Variants in ATP7B observed in about 807,000 individuals in gnomAD.
ATP7B encodes the protein copper-transporting ATPase 2.
In ATP7B, 113 loss-of-function variants were observed where a neutral mutation model predicts 118.9. The observed-to-expected ratio is 0.95, with a 90% confidence interval of 0.82 to 1.11. The LOEUF is 1.11. Among genes scored for constraint, ATP7B ranks in the 50% most tolerant of loss-of-function variants. ATP7B has a pLI of 0.00. For missense variants in ATP7B, 1,867 were observed against 1,871.4 expected, an observed-to-expected ratio of 1.00 and a Z score of 0.04; for synonymous variants, 777 against 727.4, an observed-to-expected ratio of 1.07 and a Z score of -1.10.
intron 4 of ATP7B, chr13:51,967,254 G>A: frequency 1.3e-6 from 1 of 782,390 alleles, no homozygotes; most frequent in Non-Finnish European, 2.1e-6. Context: ...TCATTACTGT[G>A]TTCAATTATC....
intron 1 of ATP7B, among the ~76,000 whole-genome samples, chr13:51,977,852 A>T (rs545240335): frequency 6.6e-6 from 1 of 152,226 alleles, no homozygotes; most frequent in Admixed American, 6.5e-5. Context: ...TCATGGGACC[A>T]GTGTCATATG....
In ATP7B at chr13:51,998,956, C is replaced by T. The variant is rs376679556; in HGVS notation, c.51+12331G>A. Among the ~76,000 whole-genome samples the T allele has an allele frequency of 5.5e-4, 84 of 152,306 alleles. 1 individual carries two copies. Among genetic ancestry groups the T allele is most frequent in the South Asian group, 4.1e-3 (20 of 4,828 alleles). On this transcript the variant is annotated intron_variant, in intron 1 of 20. Coordinates refer to ENST00000242839, the MANE Select transcript of ATP7B (RefSeq NM_000053.4). The stretch of plus-strand genomic sequence containing the variant: ...TCCCTCCCAAGATGGGGAGAGGAGT[C>T]CCGGATCCTGTGACAGGACAGGAGG...
chr13:51,983,018 GT>G (rs927556652), intron 1 of ATP7B, among the ~76,000 whole-genome samples: 6 of 151,794 alleles, frequency 4.0e-5, no homozygotes, highest in East Asian at 3.9e-4. Context: ...AGCTGCAGGA[GT>G]TTTTTTTTCA....
chr13:51,940,306 C>T (rs886081702), intron 16 of ATP7B, among the ~76,000 whole-genome samples: 1 of 148,422 alleles, frequency 6.7e-6, no homozygotes, highest in Non-Finnish European at 1.5e-5. Flanking sequence ...AGCCACCGCA[C>T]CTGGCCAACA....
intron 16 of ATP7B, 42 bp downstream of exon 16, chr13:51,941,039 G>T (rs772179368): frequency 6.2e-7 from 1 of 1,613,224 alleles, no homozygotes; most frequent in Non-Finnish European, 8.5e-7. Context: ...GCAGAAAACT[G>T]TATTTCTGAG....
At chr13:51,953,696 T>C (rs557586235) in intron 9 of ATP7B, among the ~76,000 whole-genome samples, 265 of 152,214 alleles carry the variant, frequency 1.7e-3, no homozygotes, top group African/African-American at 5.5e-3. Context: ...GCACTTCATC[T>C]TTAAGAGTTT....
In ATP7B at chr13:51,965,923, C is replaced by G. The variant is rs528017741; in HGVS notation, c.1708-890G>C. 1.8e-4 allele frequency among the ~76,000 whole-genome samples: 28 copies of G among 152,218 alleles called. 1 individual carries two copies. Among genetic ancestry groups the G allele is most frequent in the Admixed American group, 1.8e-3 (27 of 15,296 alleles). ...ATACAAAAAGAGCCAAGGGTCCCAT[C>G]TGGAATTAGGGAGGAAGAAGAGGGG... On this transcript the variant is annotated intron_variant, in intron 4 of 20. Coordinates refer to ENST00000242839, the MANE Select transcript of ATP7B (RefSeq NM_000053.4).
intron 1 of ATP7B, among the ~76,000 whole-genome samples, chr13:51,992,554 C>T (rs1215531517): frequency 6.6e-6 from 1 of 152,190 alleles, no homozygotes; most frequent in Non-Finnish European, 1.5e-5. Flanking sequence ...GACTTTGAGT[C>T]ACAATTGAAA....
At position 51,937,678 on chromosome 13, in the gene ATP7B, A is replaced by C. The variant is rs752114267; in HGVS notation, c.3701T>G (p.Val1234Gly). The C allele has an allele frequency of 6.2e-7, 1 of 1,614,216 alleles. No individual in the cohort carries two copies. Among genetic ancestry groups the C allele is most frequent in the East Asian group, 2.2e-5 (1 of 44,890 alleles). ...CTCTGCAAAGACTTTGTTGATGCCA[A>C]CCTAAGACAAAAGGAAGGCAATGCC... The part of the protein sequence containing the change: ...RKTARAIATQ[V>G]GINKVFAEVL... The change falls in exon 18 of 21, where the codon GTT becomes GGT. Residue 1234 changes from valine (V) to glycine (G), a missense_variant and splice_region_variant. By Grantham distance (109) the Val-to-Gly change is moderately radical. Coordinates refer to ENST00000242839, the MANE Select transcript of ATP7B (RefSeq NM_000053.4).
At chr13:52,005,905 C>A (rs1459438754) in intron 1 of ATP7B, among the ~76,000 whole-genome samples, 2 of 152,240 alleles carry the variant, frequency 1.3e-5, no homozygotes, top group Non-Finnish European at 2.9e-5. Context: ...GTGAAATGTT[C>A]ATGATGGCCG....
intron 19 of ATP7B, among the ~76,000 whole-genome samples, chr13:51,936,030 A>G (rs190924583): frequency 6.6e-6 from 1 of 152,316 alleles, no homozygotes; most frequent in Non-Finnish European, 1.5e-5. Context: ...AAGCGGCAGG[A>G]GCTGAGGGAG....
intron 1 of ATP7B, among the ~76,000 whole-genome samples, chr13:51,978,398 C>G (rs1156721944): frequency 1.3e-5 from 2 of 152,190 alleles, no homozygotes. Flanking sequence ...ACCACACTGG[C>G]ACAGTCTTCC....
intron 4 of ATP7B, 117 bp downstream of exon 4, chr13:51,968,326 CA>C: frequency 6.8e-7 from 1 of 1,463,836 alleles, no homozygotes; most frequent in East Asian, 2.4e-5. Context: ...ACAAAATACC[CA>C]ACAACAACAA....
chr13:51,961,760 C>T, intron 6 of ATP7B, 77 bp downstream of exon 6: 1 of 1,408,562 alleles, frequency 7.1e-7, no homozygotes. Flanking sequence ...GAAGACAAGA[C>T]CAGCTGGCAG....
At chr13:51,980,456 G>A (rs1952359669) in intron 1 of ATP7B, among the ~76,000 whole-genome samples, 1 of 152,282 alleles carries the variant, frequency 6.6e-6, no homozygotes, top group East Asian at 1.9e-4. Flanking sequence ...CACGAAATTT[G>A]CTGAGAGTGC....
In ATP7B at chr13:51,934,862, G is replaced by A; in HGVS notation, c.4292C>T (p.Ser1431Phe). The change falls in exon 21 of 21, where the codon TCC (serine) becomes TTC (phenylalanine). Residue 1431 changes from serine to phenylalanine, a missense_variant. Ser to Phe is a radical substitution (Grantham distance 155). Coordinates refer to ENST00000242839, the MANE Select transcript of ATP7B (RefSeq NM_000053.4). ...QVSYVSQVSL[S>F]SLTSDKPSRH... ...AGATGGCTTGTCGGACGTCAGGGAG[G>A]ACAGCGACACCTGGCTGACATAGCT... The A allele has an allele frequency of 1.9e-6, 3 of 1,614,224 alleles. No homozygotes were observed. Among genetic ancestry groups the A allele is most frequent in the South Asian group, 2.2e-5 (2 of 91,076 alleles).
chr13:52,011,348 G>A lies in ATP7B; in HGVS notation c.-11C>T, dbSNP rs780403933. The A allele has an allele frequency of 6.2e-7, 1 of 1,614,194 alleles. No homozygotes were observed. The highest frequency in any genetic ancestry group is 8.5e-7 in the Non-Finnish European group (1 of 1,180,014). ...CTCCTGCTCAGGCATCGTCCCGCAC[G>A]GACACCGAATTCTTCTCTGATCTGG... On this transcript the variant is annotated 5_prime_UTR_variant, in exon 1 of 21. Coordinates refer to ENST00000242839, the MANE Select transcript of ATP7B (RefSeq NM_000053.4).
Position 51,975,051 on chromosome 13 carries a change from C to G in ATP7B, c.169G>C (p.Val57Leu). ...AAGATCCTGACTGTGCTGGTGGCCA[C>G]CTGAGAAGAAGGGCCCAGGCCATCC... ...GLDGLGPSSQ[V>L]ATSTVRILGM... Residue 57 changes from valine (V) to leucine (L), a missense_variant, in exon 2 of 21, where the codon GTG becomes CTG. By Grantham distance (32) the Val-to-Leu change is conservative. Coordinates refer to ENST00000242839, the MANE Select transcript of ATP7B (RefSeq NM_000053.4). 5 of 1,614,230 alleles carry G rather than the reference C, an allele frequency of 3.1e-6. No homozygotes were observed. In the South Asian group the frequency reaches 5.5e-5, roughly 18 times the overall value.
intron 4 of ATP7B, among the ~76,000 whole-genome samples, chr13:51,968,009 C>T (rs1026151934): frequency 1.3e-5 from 2 of 152,146 alleles, no homozygotes; most frequent in African/African-American, 4.8e-5. Flanking sequence ...TATCACAAGC[C>T]CTTTTCTCTT....
Sources: gnomAD v4.1 joint callset for allele counts (sites outside exome capture counted in the v4.1 genomes callset) on GRCh38, gnomAD v4.1.1 for gene constraint, MANE v1.5 for transcripts, NCBI Gene and HGNC (gene_info 2026-07-23, HGNC 2026-07-21) for gene names.